PRKDC: variants seen among roughly 807,000 people sequenced by gnomAD.
PRKDC encodes the protein DNA-dependent protein kinase catalytic subunit.
Under a neutral mutation model 486.9 loss-of-function variants are expected in PRKDC, and 82 were observed. The ratio of observed to expected loss-of-function variants is 0.17; its 90% CI spans 0.14 to 0.20. The LOEUF (loss-of-function observed/expected upper bound fraction) is 0.20. PRKDC is among the 10% of genes least tolerant of loss of function. The pLI is 1.00. For synonymous variants in PRKDC, 1,895 were observed against 1,837.0 expected (o/e 1.03, Z -0.81); for missense variants, 4,504 against 5,038.2 (o/e 0.89, Z 3.21).
rs2090487971 is a variant in PRKDC, at chr8:47,943,970, C to T, written c.777+4G>A. ...AATAATATTAATAGTAATATTAATCCTACCTGAGGACGAATTGCCTTTAGT... is the reference window on the plus strand; with the variant it reads ...AATAATATTAATAGTAATATTAATCTTACCTGAGGACGAATTGCCTTTAGT... On this transcript the variant is annotated splice_donor_region_variant and intron_variant, in intron 8 of 85. Transcript: ENST00000314191. The T allele has an allele frequency of 6.4e-7, 1 of 1,560,626 alleles. No homozygotes were observed. Among genetic ancestry groups the T allele is most frequent in the Non-Finnish European group, 8.7e-7 (1 of 1,149,616 alleles).
chr8:47,882,284 T>C (rs1450017509), intron 36 of PRKDC, among the ~76,000 whole-genome samples, 187 bp from the exon 37 acceptor site: 1 of 152,238 alleles, frequency 6.6e-6, no homozygotes, highest in Admixed American at 6.5e-5. Flanking sequence ...TTCCACAAAG[T>C]ACAGGGTGGC....
chr8:47,782,391 G>A lies in PRKDC; in HGVS notation c.11383C>T (p.Pro3795Ser). 1 of 1,604,660 alleles carries A rather than the reference G, an allele frequency of 6.2e-7. No individual in the cohort carries two copies. The highest frequency in any genetic ancestry group is 8.5e-7 in the Non-Finnish European group (1 of 1,176,080). The change falls in exon 79 of 86, where the codon CCC (proline) becomes TCC (serine). Residue 3795 changes from proline (P) to serine (S), a missense_variant. Around this residue, in one of 6 missense-constraint regions of PRKDC, gnomAD observed 706 missense variants for 945.0 expected, o/e 0.75. Coordinates refer to ENST00000314191, the MANE Select transcript of PRKDC (RefSeq NM_006904.7). This position sits in a 1 kb window ranked among gnomAD's most constrained non-coding sequence, Gnocchi z 4.9. Reference sequence around the variant, plus strand: ...CCTGGCAGTTACCTGGAGGTCATGGGCACAACGCTATAGGTCCTCAGCTGC... The same window carrying A: ...CCTGGCAGTTACCTGGAGGTCATGGACACAACGCTATAGGTCCTCAGCTGC... ...ALQLRTYSVV[P>S]MTSRLGLIEW...
intron 16 of PRKDC, 109 bp from the exon 17 acceptor site, chr8:47,930,896 A>C: frequency 9.2e-7 from 1 of 1,081,600 alleles, no homozygotes. Context: ...ACGAAGAAAG[A>C]TTGCAACAGC....
At chr8:47,924,102 T>C (rs2090118070) in intron 21 of PRKDC, among the ~76,000 whole-genome samples, 1 of 152,236 alleles carries the variant, frequency 6.6e-6, no homozygotes, top group Admixed American at 6.5e-5. Flanking sequence ...GTTATTTATT[T>C]TGATGCTCAA....
At chr8:47,798,197 T>C (rs756634602) in intron 73 of PRKDC, 40 bp downstream of exon 73, 2 of 1,589,168 alleles carry the variant, frequency 1.3e-6, no homozygotes, top group African/African-American at 1.4e-5. Context: ...CTTTAAGTTC[T>C]GTAAAGTTCC....
chr8:47,840,234 T>C, intron 54 of PRKDC, 45 bp from the exon 55 acceptor site: 1 of 1,493,584 alleles, frequency 6.7e-7, no homozygotes, highest in Non-Finnish European at 9.1e-7. Flanking sequence ...CTATTTTTAT[T>C]ATTGCACTTT....
chr8:47,919,382 A>G (rs1323677802), intron 21 of PRKDC, among the ~76,000 whole-genome samples: 1 of 152,262 alleles, frequency 6.6e-6, no homozygotes, highest in Non-Finnish European at 1.5e-5. Context: ...GGTTATGGGA[A>G]CCAGTTGTAA....
chr8:47,809,000 G>T (rs1364790800), intron 68 of PRKDC, among the ~76,000 whole-genome samples: 1 of 151,764 alleles, frequency 6.6e-6, no homozygotes, highest in African/African-American at 2.4e-5. Flanking sequence ...CTCCAGCCTG[G>T]GTGGCACAGC....
intron 69 of PRKDC, among the ~76,000 whole-genome samples, chr8:47,806,718 G>A (rs1343164874): frequency 6.6e-6 from 1 of 152,132 alleles, no homozygotes; most frequent in East Asian, 1.9e-4. Flanking sequence ...GTAACTAACT[G>A]GTAAGGATTC....
chr8:47,816,666 T>G (rs1259437153), intron 68 of PRKDC, among the ~76,000 whole-genome samples: 1 of 152,134 alleles, frequency 6.6e-6, no homozygotes, highest in African/African-American at 2.4e-5. Context: ...AAATAATATG[T>G]AGGGTCTGGT....
At chr8:47,923,989 C>CAA (rs1178404912) in intron 21 of PRKDC, among the ~76,000 whole-genome samples, 1 of 151,780 alleles carries the variant, frequency 6.6e-6, no homozygotes, top group Non-Finnish European at 1.5e-5. Context: ...AACAATCAAA[C>CAA]AAAAAAAACC....
chr8:47,925,032 C>T (rs73577390), intron 21 of PRKDC, among the ~76,000 whole-genome samples: 1 of 152,196 alleles, frequency 6.6e-6, no homozygotes, highest in Non-Finnish European at 1.5e-5. Context: ...CACGTGGGTG[C>T]CTCATCTGGC....
In PRKDC at chr8:47,893,310, C is replaced by T. The variant is rs761126676; in HGVS notation, c.3676G>A (p.Gly1226Arg). The change falls in exon 31 of 86, where the codon GGG becomes AGG. Residue 1226 changes from glycine (G) to arginine (R), a missense_variant. Physicochemically the swap from Gly to Arg is moderately radical, Grantham distance 125. This residue lies in a region of PRKDC where 1,969 missense variants were observed against 2,068.9 expected (regional missense o/e 0.95). Coordinates refer to ENST00000314191, the MANE Select transcript of PRKDC (RefSeq NM_006904.7). Reference protein sequence around the residue: ...GVSFLINTFEGGGCGQPSGIL... With the variant: ...GVSFLINTFERGGCGQPSGIL... Reference sequence around the variant, plus strand: ...CCCGAGGGCTGGCCACAGCCACCCCCCTCAAAGGTGTTGATGAGAAAAGAG... The same window carrying T: ...CCCGAGGGCTGGCCACAGCCACCCCTCTCAAAGGTGTTGATGAGAAAAGAG... 1 of 1,603,606 alleles carries T rather than the reference C, an allele frequency of 6.2e-7. No homozygotes were observed. The highest frequency in any genetic ancestry group is 1.1e-5 in the South Asian group (1 of 89,984).
At chr8:47,805,129 T>G (rs1350138183) in intron 69 of PRKDC, 1 of 152,118 alleles carries the variant, frequency 6.6e-6, no homozygotes. Context: ...CAAAGAAATC[T>G]TAAATGTTTG....
intron 83 of PRKDC, 102 bp from the exon 84 acceptor site, chr8:47,777,976 TA>T: frequency 1.9e-6 from 2 of 1,079,860 alleles, no homozygotes; most frequent in Non-Finnish European, 2.7e-6. Context: ...TCACATTTAG[TA>T]AAAATACAGA....
At chr8:47,809,659 A>G (rs2087288817) in intron 68 of PRKDC, among the ~76,000 whole-genome samples, 1 of 152,218 alleles carries the variant, frequency 6.6e-6, no homozygotes. Context: ...GAAGAGAACC[A>G]TCTTTTCTAA....
At chr8:47,881,377 G>A in intron 38 of PRKDC, 39 bp downstream of exon 38, 1 of 1,158,538 alleles carries the variant, frequency 8.6e-7, no homozygotes, top group Non-Finnish European at 1.2e-6. Flanking sequence ...GAAAACAGAA[G>A]AGAATGTAAT....
At chr8:47,916,787 C>T (rs554380032) in intron 22 of PRKDC, among the ~76,000 whole-genome samples, 2 of 152,264 alleles carry the variant, frequency 1.3e-5, no homozygotes, top group East Asian at 1.9e-4. Flanking sequence ...GCCTCACACA[C>T]GGAGTATTTT....
intron 38 of PRKDC, among the ~76,000 whole-genome samples, chr8:47,880,364 C>G (rs2089187188): frequency 6.6e-6 from 1 of 152,194 alleles, no homozygotes; most frequent in Non-Finnish European, 1.5e-5. Flanking sequence ...AGAAGAACTT[C>G]ATACTGAGCT....
Sources: allele counts gnomAD v4.1 joint callset (sites outside exome capture counted in the v4.1 genomes callset), GRCh38; gene constraint gnomAD v4.1.1; regional missense constraint gnomAD v4.1.1; non-coding constraint Gnocchi (gnomAD v3.1); transcripts MANE v1.5; gene names NCBI Gene and HGNC (gene_info 2026-07-23, HGNC 2026-07-21).